Variants in NECTIN3 observed in about 807,000 individuals in gnomAD.
NECTIN3 encodes the protein nectin cell adhesion molecule 3.
NECTIN3 carries 8 observed loss-of-function variants against 49.4 expected under a neutral mutation model. The ratio of observed to expected loss-of-function variants is 0.16; its 90% CI spans 0.10 to 0.29. The LOEUF is 0.29. Ranked by LOEUF, NECTIN3 falls within the 10% of genes least tolerant of loss-of-function variation. NECTIN3 has a pLI of 1.00. For synonymous variants in NECTIN3, 277 were observed against 241.1 expected, an observed-to-expected ratio of 1.15 and a Z score of -1.38; for missense variants, 581 against 654.6, an observed-to-expected ratio of 0.89 and a Z score of 1.23.
chr3:111,146,212 A>G (rs1013462117), intron 6 of NECTIN3, among the ~76,000 whole-genome samples: 6 of 152,080 alleles, frequency 3.9e-5, no homozygotes, highest in Admixed American at 3.9e-4. Context: ...AGGCGGGCGG[A>G]TCACGAGGTC....
downstream of NECTIN3, among the ~76,000 whole-genome samples, chr3:111,141,234 T>C (rs2034737015): frequency 6.6e-6 from 1 of 151,896 alleles, no homozygotes; most frequent in African/African-American, 2.4e-5. Context: ...ATGGGATTAT[T>C]TATGGGGGAA....
At chr3:111,130,991 T>G (rs1392873765) in intron 5 of NECTIN3, among the ~76,000 whole-genome samples, 1 of 152,126 alleles carries the variant, frequency 6.6e-6, no homozygotes, top group African/African-American at 2.4e-5. Context: ...CAGGTCATAT[T>G]GATTTTAGGA....
intron 1 of NECTIN3, among the ~76,000 whole-genome samples, chr3:111,110,862 T>C (rs1198578962): frequency 6.6e-6 from 1 of 152,128 alleles, no homozygotes; most frequent in Admixed American, 6.6e-5. Flanking sequence ...TTTTTTGTTT[T>C]TGTTTATTCC....
rs4682228 is a variant in NECTIN3, at chr3:111,072,266, A to G, written c.160+89A>G. The G allele has an allele frequency of 1, 1,458,623 of 1,464,612 alleles. 726,529 individuals carry two copies. The highest frequency in any genetic ancestry group is 1 in the East Asian group (39,118 of 39,118). The allele number at this position is 1,464,612 out of a possible 1,614,324, so 90.7% of individuals were successfully genotyped here. A position where few individuals can be genotyped will look rare whatever the true frequency, so the allele number is the denominator to read the frequency against. On this transcript the variant is annotated intron_variant, in intron 1 of 5. Coordinates refer to ENST00000485303, the MANE Select transcript of NECTIN3 (RefSeq NM_015480.3). ...GCCGGCTCTGCCAGCCGTTCTCTGG[A>G]GCAGCGAGGCGGTTGGTTGTGCGAG... is the stretch of plus-strand genomic sequence containing the variant.
chr3:111,106,776 A>G (rs2033199159), intron 1 of NECTIN3, among the ~76,000 whole-genome samples: 1 of 152,190 alleles, frequency 6.6e-6, no homozygotes, highest in African/African-American at 2.4e-5. Flanking sequence ...AAGGATTCAT[A>G]TCTTAGAGAT....
intron 1 of NECTIN3, among the ~76,000 whole-genome samples, chr3:111,090,123 C>T (rs1559770352): frequency 6.6e-6 from 1 of 152,116 alleles, no homozygotes; most frequent in Non-Finnish European, 1.5e-5. Context: ...CTCAATCTTT[C>T]TGTGTCCTTA....
At chr3:111,128,359 GC>G (rs1399924964) in intron 5 of NECTIN3, among the ~76,000 whole-genome samples, 3 of 151,652 alleles carry the variant, frequency 2.0e-5, no homozygotes, top group Admixed American at 2.0e-4. Flanking sequence ...AAATATCAAG[GC>G]TCATTTTGGA....
rs552393971 is a variant in NECTIN3 at position 111,078,854 on chromosome 3, A to G, written c.160+6677A>G. On this transcript the variant is annotated intron_variant, in intron 1 of 5. Coordinates refer to ENST00000485303, the MANE Select transcript of NECTIN3 (RefSeq NM_015480.3). ...AGTAGTCTTCTGCTTTGTTATTTCA[A>G]AATCAGCTGTATATTATTTACCTGT... Among the ~76,000 whole-genome samples the G allele has an allele frequency of 1.3e-4, 20 of 152,238 alleles. No homozygotes were observed. In the South Asian group the frequency reaches 4.1e-3, roughly 32 times the overall value.
At chr3:111,096,942 C>G (rs1243622520) in intron 1 of NECTIN3, among the ~76,000 whole-genome samples, 1 of 152,164 alleles carries the variant, frequency 6.6e-6, no homozygotes, top group Admixed American at 6.5e-5. Context: ...CCACAGAGTC[C>G]CCACTGGGAT....
chr3:111,091,947 C>A (rs1012758107), intron 1 of NECTIN3, among the ~76,000 whole-genome samples: 1 of 152,194 alleles, frequency 6.6e-6, no homozygotes. Flanking sequence ...CACATTCTTA[C>A]AAAAACTTGT....
chr3:111,085,637 TG>T (rs906988085), intron 1 of NECTIN3, among the ~76,000 whole-genome samples: 1 of 152,190 alleles, frequency 6.6e-6, no homozygotes, highest in Non-Finnish European at 1.5e-5. Flanking sequence ...TTCCTGTTTT[TG>T]AACTTTGTAA....
chr3:111,188,062 C>G (rs2035753132), upstream of NECTIN3, among the ~76,000 whole-genome samples: 1 of 152,084 alleles, frequency 6.6e-6, no homozygotes, highest in Non-Finnish European at 1.5e-5. Flanking sequence ...TTTGTACTTT[C>G]CACTGAACTT....
chr3:111,120,188 AT>A (rs2033883364), intron 3 of NECTIN3, among the ~76,000 whole-genome samples: 1 of 152,038 alleles, frequency 6.6e-6, no homozygotes, highest in Non-Finnish European at 1.5e-5. Context: ...TGTATTTTGC[AT>A]ATCCATATAT....
chr3:111,154,358 C>T (rs768131901), intron 7 of NECTIN3, among the ~76,000 whole-genome samples: 10 of 152,104 alleles, frequency 6.6e-5, no homozygotes, highest in Non-Finnish European at 1.5e-4. Context: ...AGTTCATTCC[C>T]TTTACGTAGC....
chr3:111,098,842 A>G (rs553763371), intron 1 of NECTIN3, among the ~76,000 whole-genome samples: 1 of 152,056 alleles, frequency 6.6e-6, no homozygotes, highest in South Asian at 2.1e-4. Flanking sequence ...AAGTTTCCCA[A>G]GGTAAGGAGC....
intron 7 of NECTIN3, among the ~76,000 whole-genome samples, chr3:111,180,531 A>T (rs1245790716): frequency 6.6e-6 from 1 of 152,238 alleles, no homozygotes; most frequent in Non-Finnish European, 1.5e-5. Context: ...ATAACTATTT[A>T]AAAAAGTGAA....
At chr3:111,122,665 T>C (rs567680502) in intron 4 of NECTIN3, among the ~76,000 whole-genome samples, 2 of 152,304 alleles carry the variant, frequency 1.3e-5, no homozygotes, top group East Asian at 3.9e-4. Flanking sequence ...CTAGGACAGG[T>C]AAATGTTACT....
intron 5 of NECTIN3, among the ~76,000 whole-genome samples, chr3:111,127,056 AT>A (rs1363983528): frequency 6.6e-6 from 1 of 152,208 alleles, no homozygotes; most frequent in Non-Finnish European, 1.5e-5. Flanking sequence ...TCAATAAAAT[AT>A]TTTGAGCATC....
chr3:111,164,608 A>T (rs1303438686), intron 7 of NECTIN3, among the ~76,000 whole-genome samples: 1 of 152,176 alleles, frequency 6.6e-6, no homozygotes, highest in Non-Finnish European at 1.5e-5. Flanking sequence ...CTGGGGGGAA[A>T]TCTTTTCCAT....
Sources: allele counts gnomAD v4.1 joint callset (sites outside exome capture counted in the v4.1 genomes callset), GRCh38; gene constraint gnomAD v4.1.1; transcripts MANE v1.5; gene names NCBI Gene and HGNC (gene_info 2026-07-23, HGNC 2026-07-21).